The following NPHP1 variants were observed in gnomAD, a reference collection of about 807,000 sequenced individuals.
The protein encoded by NPHP1 is nephrocystin 1.
In NPHP1, 70 loss-of-function variants were observed where a neutral mutation model predicts 90.4. The ratio of observed to expected loss-of-function variants is 0.77; its 90% confidence interval spans 0.64 to 0.95. The LOEUF is 0.95. NPHP1 is among the 40% of genes least tolerant of loss of function. NPHP1 has a pLI of 0.00. For missense variants in NPHP1, 764 were observed against 795.9 expected, an observed-to-expected ratio of 0.96 and a Z score of 0.48; for synonymous variants, 256 against 271.7, an observed-to-expected ratio of 0.94 and a Z score of 0.57.
intron 2 of NPHP1, among the ~76,000 whole-genome samples, chr2:110,195,546 G>A (rs1685104148): frequency 6.6e-6 from 1 of 152,136 alleles, no homozygotes; most frequent in Admixed American, 6.5e-5. Context: ...TCATGGGTAG[G>A]AAGTATCAAT....
At chr2:110,192,082 T>G (rs1384193541) in intron 2 of NPHP1, among the ~76,000 whole-genome samples, 1 of 150,372 alleles carries the variant, frequency 6.7e-6, no homozygotes, top group African/African-American at 2.4e-5. Flanking sequence ...AAACTGAAAA[T>G]TCTAAAAATC....
intron 2 of NPHP1, among the ~76,000 whole-genome samples, chr2:110,195,243 G>A (rs1366510508): frequency 6.6e-6 from 1 of 152,242 alleles, no homozygotes; most frequent in East Asian, 1.9e-4. Context: ...TGACATGATT[G>A]TATATCTAGA....
rs532846884 is a variant in NPHP1 at position 110,186,618 on chromosome 2, C to T, written c.144-6934G>A. Among the ~76,000 whole-genome samples, 62 of 152,256 alleles carry T rather than the reference C, an allele frequency of 4.1e-4. 1 individual carries two copies. In the South Asian group the frequency reaches 0.012, roughly 31 times the overall value. On this transcript the variant is annotated intron_variant, in intron 2 of 19. Transcript: ENST00000445609. Reference sequence around the variant, plus strand: ...ACCCACCCCAATCCCAGACTCCATGCAGTAGTCTCCCCCATGCTGTCCTAT... The same window carrying T: ...ACCCACCCCAATCCCAGACTCCATGTAGTAGTCTCCCCCATGCTGTCCTAT...
At chr2:110,129,296 C>T (rs1559043937) in intron 17 of NPHP1, 37 bp from the exon 18 acceptor site, 2 of 1,475,564 alleles carry the variant, frequency 1.4e-6, no homozygotes, top group Non-Finnish European at 1.9e-6. Flanking sequence ...TTTATGCAAA[C>T]TTCACTCAAT....
chr2:110,184,640 C>G, intron 2 of NPHP1: 1 of 824,142 alleles, frequency 1.2e-6, no homozygotes, highest in Non-Finnish European at 2.1e-6. Flanking sequence ...GCTTCCTGCA[C>G]CTCTACCTGC....
rs569619516 is a variant in NPHP1 at position 110,149,505 on chromosome 2, G to A, written c.1158+677C>T. Reference sequence around the variant, plus strand: ...ACAGGCACAGCACACAGTTGAGGTGGCTGGCCTCATCCACACCCTGAGCCC... The same window carrying A: ...ACAGGCACAGCACACAGTTGAGGTGACTGGCCTCATCCACACCCTGAGCCC... On this transcript the variant is annotated intron_variant, in intron 12 of 19. Coordinates refer to ENST00000445609, the MANE Select transcript of NPHP1 (RefSeq NM_001128178.3). 7.9e-5 allele frequency among the ~76,000 whole-genome samples: 12 copies of A among 152,212 alleles called. No homozygotes were observed. The South Asian group carries it at 1.7e-3, about 21-fold the overall frequency.
At chr2:110,138,257 C>G (rs1680361874) in intron 16 of NPHP1, among the ~76,000 whole-genome samples, 1 of 151,906 alleles carries the variant, frequency 6.6e-6, no homozygotes, top group South Asian at 2.1e-4. Flanking sequence ...ACCAACATGG[C>G]ACATGTATAC....
intron 9 of NPHP1, 82 bp downstream of exon 9, chr2:110,162,966 T>C: frequency 1.2e-6 from 1 of 856,034 alleles, no homozygotes; most frequent in South Asian, 1.4e-5. Flanking sequence ...TTCAACAATG[T>C]GTTTTGCCTG....
intron 16 of NPHP1, among the ~76,000 whole-genome samples, chr2:110,138,632 C>A (rs1680394549): frequency 6.6e-6 from 1 of 152,088 alleles, no homozygotes; most frequent in Admixed American, 6.5e-5. Flanking sequence ...TGGACATGTT[C>A]ATGAGCAAGG....
chr2:110,190,592 A>G (rs1684647342), intron 2 of NPHP1, among the ~76,000 whole-genome samples: 1 of 152,120 alleles, frequency 6.6e-6, no homozygotes, highest in Admixed American at 6.5e-5. Flanking sequence ...ACCTCCTCGC[A>G]AGCTGAGGGA....
At chr2:110,129,820 C>T (rs1373054180) in intron 17 of NPHP1, among the ~76,000 whole-genome samples, 1 of 152,170 alleles carries the variant, frequency 6.6e-6, no homozygotes, top group East Asian at 1.9e-4. Flanking sequence ...AGAATATTGA[C>T]ATTTCACAAT....
intron 16 of NPHP1, 146 bp downstream of exon 16, chr2:110,143,396 C>G (rs749550687): frequency 2.8e-4 from 185 of 671,706 alleles, no homozygotes; most frequent in South Asian, 1.7e-3. Flanking sequence ...TTACCCATTT[C>G]CCTACTGACC....
At chr2:110,141,384 ATAT>A (rs539723890) in intron 16 of NPHP1, among the ~76,000 whole-genome samples, 1 of 152,032 alleles carries the variant, frequency 6.6e-6, no homozygotes, top group Non-Finnish European at 1.5e-5. Context: ...TATGGGGTTG[ATAT>A]TATTATTATT....
chr2:110,148,295 T>C (rs1681218163), intron 12 of NPHP1, among the ~76,000 whole-genome samples: 1 of 152,054 alleles, frequency 6.6e-6, no homozygotes, highest in South Asian at 2.1e-4. Context: ...CACTGTCACG[T>C]GAGATGCCTG....
intron 16 of NPHP1, among the ~76,000 whole-genome samples, chr2:110,134,022 T>C (rs909918478): frequency 6.6e-6 from 1 of 151,708 alleles, no homozygotes; most frequent in African/African-American, 2.4e-5. Flanking sequence ...AGGTCAGATA[T>C]AGACAAAATA....
At chr2:110,191,817 G>A (rs1684768806) in intron 2 of NPHP1, among the ~76,000 whole-genome samples, 1 of 152,154 alleles carries the variant, frequency 6.6e-6, no homozygotes, top group Non-Finnish European at 1.5e-5. Flanking sequence ...AACTTCCAGA[G>A]GAATGATCAG....
At chr2:110,150,051 C>A in intron 12 of NPHP1, 131 bp downstream of exon 12, 1 of 780,916 alleles carries the variant, frequency 1.3e-6, no homozygotes, top group Non-Finnish European at 2.2e-6. Context: ...TAATTTTTAT[C>A]AATGTCCTCA....
At chr2:110,160,502 AC>A (rs1260793376) in intron 10 of NPHP1, among the ~76,000 whole-genome samples, 1 of 152,186 alleles carries the variant, frequency 6.6e-6, no homozygotes, top group Non-Finnish European at 1.5e-5. Context: ...GATGAAAGGA[AC>A]AATAAATATT....
In NPHP1 at chr2:110,138,023, T is replaced by C. The variant is rs534206738; in HGVS notation, c.1529+5519A>G. Among the ~76,000 whole-genome samples, 211 of 151,976 alleles carry C rather than the reference T, an allele frequency of 1.4e-3. 1 individual carries two copies. Among genetic ancestry groups the C allele is most frequent in the Middle Eastern group, 0.014 (4 of 294 alleles). ...AAAAATGATGAGTTCATGTCCTTTGTAGGGACATGGATGAAGCTGGAAACC... is the reference window on the plus strand; with the variant it reads ...AAAAATGATGAGTTCATGTCCTTTGCAGGGACATGGATGAAGCTGGAAACC... On this transcript the variant is annotated intron_variant, in intron 16 of 19. Coordinates refer to ENST00000445609, the MANE Select transcript of NPHP1 (RefSeq NM_001128178.3).
Sources: gnomAD v4.1 joint callset for allele counts (sites outside exome capture counted in the v4.1 genomes callset) on GRCh38, gnomAD v4.1.1 for gene constraint, MANE v1.5 for transcripts, NCBI Gene and HGNC (gene_info 2026-07-23, HGNC 2026-07-21) for gene names.